Variants in CPA3 observed in about 807,000 individuals in gnomAD.
CPA3 encodes mast cell carboxypeptidase A.
CPA3 carries 52 observed loss-of-function variants against 55.8 expected under a neutral mutation model. The observed-to-expected ratio is 0.93, with a 90% CI of 0.75 to 1.17. The LOEUF (loss-of-function observed/expected upper bound fraction) is 1.17. Among genes scored for constraint, CPA3 ranks in the 50% most tolerant of loss-of-function variants. The pLI is 0.00. For synonymous variants in CPA3, 179 were observed against 171.2 expected (o/e 1.05, Z -0.36); for missense variants, 547 against 509.1 (o/e 1.07, Z -0.72).
At chr3:148,885,720 A>G (rs558322068) in intron 9 of CPA3, among the ~76,000 whole-genome samples, 2 of 152,090 alleles carry the variant, frequency 1.3e-5, no homozygotes, top group Admixed American at 1.3e-4. Flanking sequence ...AAGTCTTTAT[A>G]CTTACCACAT....
intron 3 of CPA3, among the ~76,000 whole-genome samples, chr3:148,876,203 A>AAT (rs35546621): frequency 5.3e-5 from 8 of 150,068 alleles, no homozygotes; most frequent in South Asian, 4.2e-4. Flanking sequence ...AAACTGGTAA[A>AAT]ATATATATAT....
intron 2 of CPA3, among the ~76,000 whole-genome samples, chr3:148,866,947 G>A (rs909829186): frequency 6.6e-5 from 10 of 152,090 alleles, no homozygotes; most frequent in African/African-American, 2.4e-4. Context: ...AGTGAAGACG[G>A]GGTTTTGCCA....
At chr3:148,870,941 C>G (rs1714048018) in intron 3 of CPA3, among the ~76,000 whole-genome samples, 1 of 152,168 alleles carries the variant, frequency 6.6e-6, no homozygotes, top group Admixed American at 6.5e-5. Flanking sequence ...CTCTGTCACC[C>G]AGACTGGAGT....
Position 148,879,815 on chromosome 3 carries a change from G to A in CPA3, c.502G>A (p.Ala168Thr), listed in dbSNP as rs144291888. ...KIGEKNERRK[A>T]IFTDCGIHAR... ...TGGGGAAAAGAATGAAAGAAGAAAG[G>A]CTATTTTTACGGATTGTGGCATTCA... The change falls in exon 6 of 11, where the codon GCT (alanine) becomes ACT (threonine). Residue 168 changes from alanine to threonine, a missense_variant. Physicochemically the swap from Ala to Thr is moderately conservative, Grantham distance 58 (BLOSUM62 0). Transcript: ENST00000296046. 5.0e-6 allele frequency: 8 copies of A among 1,611,470 alleles called. No homozygotes were observed. The South Asian group carries it at 8.8e-5, about 18-fold the overall frequency.
Position 148,882,512 on chromosome 3 carries a change from T to C in CPA3, c.695T>C (p.Met232Thr), listed in dbSNP as rs761624530. The C allele has an allele frequency of 6.8e-6, 11 of 1,613,344 alleles. No individual in the cohort carries two copies. The highest frequency in any genetic ancestry group is 3.3e-4 in the Middle Eastern group (2 of 6,056). The change falls in exon 8 of 11, where the codon ATG becomes ACG. Residue 232 changes from methionine (M) to threonine (T), a missense_variant. By Grantham distance (81) the Met-to-Thr change is moderately conservative. Coordinates refer to ENST00000296046, the MANE Select transcript of CPA3 (RefSeq NM_001870.4). ...CGTCATTCAATCTGGCAGAACCGCATGTGGAGAAAAAATCGTTCCAAGAAC... is the reference window on the plus strand; with the variant it reads ...CGTCATTCAATCTGGCAGAACCGCACGTGGAGAAAAAATCGTTCCAAGAAC... ...GYIWSWTKNR[M>T]WRKNRSKNQN...
chr3:148,876,521 T>A lies in CPA3; in HGVS notation c.270-1920T>A, dbSNP rs964488066. Among the ~76,000 whole-genome samples the A allele has an allele frequency of 2.6e-5, 4 of 151,872 alleles. No individual in the cohort carries two copies. The South Asian group carries it at 8.3e-4, about 32-fold the overall frequency. ...TCACCCGAGTAGCTGAGACTACAGG[T>A]GCCCACTACCACACCTGGCTAACTT... On this transcript the variant is annotated intron_variant, in intron 3 of 10. Coordinates refer to ENST00000296046, the MANE Select transcript of CPA3 (RefSeq NM_001870.4).
At chr3:148,865,645 A>G in intron 2 of CPA3, 97 bp downstream of exon 2, 1 of 1,067,340 alleles carries the variant, frequency 9.4e-7, no homozygotes. Flanking sequence ...ACAAAAGACT[A>G]TTGAACATAA....
chr3:148,886,213 C>A, intron 10 of CPA3, 36 bp downstream of exon 10: 1 of 1,419,408 alleles, frequency 7.0e-7, no homozygotes. Context: ...GCCCTTTTCC[C>A]TAATTATTTT....
At position 148,879,799 on chromosome 3, in the gene CPA3, G is replaced by A; in HGVS notation, c.486G>A (p.Lys162=). ...TTACTTTTAAATAGATTGGGGAAAA[G>A]AATGAAAGAAGAAAGGCTATTTTTA... ...NPLYVLKIGE[K]NERRKAIFTD... is the part of the protein sequence containing the mutation. Residue 162 remains lysine, a synonymous_variant, in exon 6 of 11, where the codon AAG becomes AAA. Coordinates refer to ENST00000296046, the MANE Select transcript of CPA3 (RefSeq NM_001870.4). The A allele has an allele frequency of 6.2e-7, 1 of 1,607,726 alleles. No individual in the cohort carries two copies. Among genetic ancestry groups the A allele is most frequent in the African/African-American group, 1.3e-5 (1 of 74,896 alleles).
chr3:148,886,042 G>T, intron 9 of CPA3, 51 bp from the exon 10 acceptor site: 1 of 1,241,310 alleles, frequency 8.1e-7, no homozygotes, highest in East Asian at 2.3e-5. Flanking sequence ...CATATTCCTT[G>T]GTATTTACAC....
intron 10 of CPA3, among the ~76,000 whole-genome samples, chr3:148,887,374 C>G (rs1429090342): frequency 6.6e-6 from 1 of 152,128 alleles, no homozygotes; most frequent in Non-Finnish European, 1.5e-5. Flanking sequence ...ACTGTGCTTA[C>G]CCCTTGATTT....
chr3:148,891,033 A>G lies in CPA3; in HGVS notation c.1066+4856A>G, dbSNP rs1055845073. Among the ~76,000 whole-genome samples, 9 of 152,314 alleles carry G rather than the reference A, an allele frequency of 5.9e-5. No homozygotes were observed. The South Asian group carries it at 6.2e-4, about 11-fold the overall frequency. ...GTAGCACAGTACAATGATTAACAACATGAACTCTGAAGACACCACCTGGGC... is the reference window on the plus strand; with the variant it reads ...GTAGCACAGTACAATGATTAACAACGTGAACTCTGAAGACACCACCTGGGC... On this transcript the variant is annotated intron_variant, in intron 10 of 10. Transcript: ENST00000296046.
At chr3:148,885,158 G>T (rs1303241868) in intron 9 of CPA3, among the ~76,000 whole-genome samples, 1 of 152,052 alleles carries the variant, frequency 6.6e-6, no homozygotes, top group East Asian at 1.9e-4. Flanking sequence ...CCCTTGGTAT[G>T]CTGAAGTCAG....
At chr3:148,890,679 T>C (rs1154910) in intron 10 of CPA3, among the ~76,000 whole-genome samples, 67,011 of 152,044 alleles carry the variant, frequency 0.44, 16,896 homozygotes, top group Non-Finnish European at 0.57. Context: ...TACAGGTTAT[T>C]ATATTGAATA....
intron 2 of CPA3, among the ~76,000 whole-genome samples, chr3:148,868,136 C>G (rs529280580): frequency 6.4e-4 from 98 of 152,232 alleles, no homozygotes; most frequent in South Asian, 6.2e-3. Context: ...CTCAGGTGAT[C>G]CGCACCTCAG....
intron 10 of CPA3, among the ~76,000 whole-genome samples, chr3:148,890,476 T>C (rs1384347647): frequency 1.3e-5 from 2 of 151,402 alleles, no homozygotes; most frequent in African/African-American, 4.8e-5. Context: ...TTCCATATTC[T>C]ACATATTCTA....
At chr3:148,895,226 C>A (rs1289659411) in intron 10 of CPA3, among the ~76,000 whole-genome samples, 1 of 152,184 alleles carries the variant, frequency 6.6e-6, no homozygotes, top group African/African-American at 2.4e-5. Context: ...TCTGGTCCAG[C>A]TGGATCTCGT....
chr3:148,869,064 T>G (rs1253609094), intron 3 of CPA3, 25 bp downstream of exon 3: 2 of 1,605,680 alleles, frequency 1.2e-6, no homozygotes, highest in African/African-American at 2.7e-5. Context: ...AATATTGAAA[T>G]TTGTTGGATA....
Position 148,896,880 on chromosome 3 carries a change from A to G in CPA3, c.*173A>G, listed in dbSNP as rs1209737431. On this transcript the variant is annotated 3_prime_UTR_variant, in exon 11 of 11. Coordinates refer to ENST00000296046, the MANE Select transcript of CPA3 (RefSeq NM_001870.4). ...TTTACTTACTTTCAGTAGCACCATA[A>G]CGAAGTAGCTTTAAGTGAAACCTTT... is the stretch of plus-strand genomic sequence containing the variant. 1 of 478,226 alleles carries G rather than the reference A, an allele frequency of 2.1e-6. No homozygotes were observed. Among genetic ancestry groups the G allele is most frequent in the African/African-American group, 1.9e-5 (1 of 51,366 alleles). The allele number at this position is 478,226 out of a possible 1,614,324, so 29.6% of individuals were successfully genotyped here.
Sources: allele counts gnomAD v4.1 joint callset (sites outside exome capture counted in the v4.1 genomes callset), GRCh38; gene constraint gnomAD v4.1.1; transcripts MANE v1.5; gene names NCBI Gene and HGNC (gene_info 2026-07-23, HGNC 2026-07-21).